Variants in SLC7A14 observed in about 807,000 individuals in gnomAD.
The protein encoded by SLC7A14 is solute carrier family 7 member 14.
In SLC7A14, 37 loss-of-function variants were observed where a neutral mutation model predicts 60.2. The ratio of observed to expected loss-of-function variants is 0.61; its 90% confidence interval spans 0.47 to 0.81. SLC7A14 has a LOEUF of 0.81. SLC7A14 is among the 30% of genes least tolerant of loss of function. SLC7A14 has a pLI of 0.00. For synonymous variants in SLC7A14, 399 were observed against 395.8 expected (o/e 1.01, Z -0.10); for missense variants, 886 against 982.7 (o/e 0.90, Z 1.32).
At position 170,513,630 on chromosome 3, in the gene SLC7A14, T is replaced by G. The variant is rs142601458; in HGVS notation, c.305-12285A>C. ...AAGAATAGTATATAAAATGTCTATG[T>G]TGCATGTTAGCAAATAATTGCTTTT... On this transcript the variant is annotated intron_variant, in intron 2 of 7. Transcript: ENST00000231706. 5.9e-3 allele frequency among the ~76,000 whole-genome samples: 898 copies of G among 152,376 alleles called. 5 individuals carry two copies. The highest frequency in any genetic ancestry group is 0.014 in the Middle Eastern group (4 of 294).
intron 2 of SLC7A14, among the ~76,000 whole-genome samples, chr3:170,519,627 T>G (rs1713282363): frequency 6.6e-6 from 1 of 152,034 alleles, no homozygotes; most frequent in African/African-American, 2.4e-5. Context: ...AATACAAAAA[T>G]TAGCCAGGCA....
rs1230712580 is a variant in SLC7A14, at chr3:170,480,967, C to T, written c.1315G>A (p.Gly439Ser). The change falls in exon 7 of 8, where the codon GGT (glycine) becomes AGT (serine). Residue 439 changes from glycine (G) to serine (S), a missense_variant. Gly to Ser is a moderately conservative substitution (Grantham distance 56). Coordinates refer to ENST00000231706, the MANE Select transcript of SLC7A14 (RefSeq NM_020949.3). Reference sequence around the variant, plus strand: ...TCCTCAGACAAGAACTTGACAAAACCATCAATGTCACTCTCAGGTTGGTAT... The same window carrying T: ...TCCTCAGACAAGAACTTGACAAAACTATCAATGTCACTCTCAGGTTGGTAT... Reference protein sequence around the residue: ...LRYQPESDIDGFVKFLSEEHT... With the variant: ...LRYQPESDIDSFVKFLSEEHT... 1 of 1,614,036 alleles carries T rather than the reference C, an allele frequency of 6.2e-7. No individual in the cohort carries two copies. Among genetic ancestry groups the T allele is most frequent in the Non-Finnish European group, 8.5e-7 (1 of 1,180,022 alleles).
intron 1 of SLC7A14, among the ~76,000 whole-genome samples, chr3:170,555,488 G>A (rs896127403): frequency 6.6e-6 from 1 of 152,106 alleles, no homozygotes; most frequent in Non-Finnish European, 1.5e-5. Context: ...ATCCAGTCAT[G>A]CATTACATAA....
At chr3:170,497,051 T>C (rs1318523621) in intron 4 of SLC7A14, among the ~76,000 whole-genome samples, 1 of 115,154 alleles carries the variant, frequency 8.7e-6, no homozygotes, top group African/African-American at 3.6e-5. Flanking sequence ...CCCCCTTGCC[T>C]CCAGCTACAA....
rs1739681370 is a variant in SLC7A14 at position 170,464,798 on chromosome 3, T to C, written c.*2257A>G. On this transcript the variant is annotated 3_prime_UTR_variant, in exon 8 of 8. Transcript: ENST00000231706. ...CTATTGTTACTTTAATACTTAAACC[T>C]CACTAGTAAAAGGAAGCTCTTTCAC... The C allele has an allele frequency of 6.6e-6, 1 of 152,218 alleles. No homozygotes were observed. The highest frequency in any genetic ancestry group is 1.5e-5 in the Non-Finnish European group (1 of 68,042). The allele number at this position is 152,218 out of a possible 1,614,324, so 9.4% of individuals were successfully genotyped here. A position where few individuals can be genotyped will look rare whatever the true frequency, so the allele number is the denominator to read the frequency against.
At position 170,498,758 on chromosome 3, in the gene SLC7A14, G is replaced by A. The variant is rs1305007507; in HGVS notation, c.668C>T (p.Ala223Val). Reference protein sequence around the residue: ...FNNVLNVLNLAVWVFIMIAGL... With the variant: ...FNNVLNVLNLVVWVFIMIAGL... ...TGCGATCATGATGAACACCCATACT[G>A]CCAGGTTCAGCACATTGAGAACATT... The change falls in exon 4 of 8, where the codon GCA becomes GTA. Residue 223 changes from alanine to valine, a missense_variant. Ala to Val is a moderately conservative substitution (Grantham distance 64, BLOSUM62 0). Coordinates refer to ENST00000231706, the MANE Select transcript of SLC7A14 (RefSeq NM_020949.3). The A allele has an allele frequency of 6.2e-7, 1 of 1,614,028 alleles. No individual in the cohort carries two copies. Among genetic ancestry groups the A allele is most frequent in the Non-Finnish European group, 8.5e-7 (1 of 1,180,042 alleles).
At chr3:170,486,415 C>T (rs755345015) in intron 4 of SLC7A14, 47 bp from the exon 5 acceptor site, 1 of 1,613,462 alleles carries the variant, frequency 6.2e-7, no homozygotes, top group Non-Finnish European at 8.5e-7. Flanking sequence ...CGGGGTGGCA[C>T]CTGGGTCTTA....
In SLC7A14 at chr3:170,462,436, T is replaced by G. The variant is rs1739626894; in HGVS notation, c.*4619A>C. ...AAGGAGTTTGTGTTTTGTTTTTCAA[T>G]AATTACTAGATTTATATTCTGGCTG... is the stretch of plus-strand genomic sequence containing the variant. On this transcript the variant is annotated 3_prime_UTR_variant, in exon 8 of 8. Coordinates refer to ENST00000231706, the MANE Select transcript of SLC7A14 (RefSeq NM_020949.3). 6.6e-6 allele frequency: 1 copy of G among 152,230 alleles called. No homozygotes were observed. Among genetic ancestry groups the G allele is most frequent in the Non-Finnish European group, 1.5e-5 (1 of 68,034 alleles). The allele number at this position is 152,230 out of a possible 1,614,324, so 9.4% of individuals were successfully genotyped here.
chr3:170,492,861 C>A (rs1712264656), intron 4 of SLC7A14, among the ~76,000 whole-genome samples: 1 of 152,164 alleles, frequency 6.6e-6, no homozygotes, highest in Non-Finnish European at 1.5e-5. Context: ...CTCTAGGCAA[C>A]AAAATTCCAA....
At chr3:170,556,101 G>T (rs1169941049) in intron 1 of SLC7A14, among the ~76,000 whole-genome samples, 2 of 151,230 alleles carry the variant, frequency 1.3e-5, no homozygotes, top group Non-Finnish European at 2.9e-5. Flanking sequence ...ACTAAAATAT[G>T]GTTTACCTCC....
chr3:170,563,221 T>A (rs1008829183), intron 1 of SLC7A14, among the ~76,000 whole-genome samples: 5 of 152,020 alleles, frequency 3.3e-5, no homozygotes, highest in African/African-American at 7.2e-5. Context: ...CCTTCCATTT[T>A]AAAAAAAGTC....
chr3:170,558,242 C>A (rs1333297779), intron 1 of SLC7A14, among the ~76,000 whole-genome samples: 1 of 152,134 alleles, frequency 6.6e-6, no homozygotes, highest in East Asian at 1.9e-4. Flanking sequence ...GTGGTACACA[C>A]CTGTAATCCC....
Position 170,462,820 on chromosome 3 carries a change from A to G in SLC7A14, c.*4235T>C, listed in dbSNP as rs187046438. 6.6e-5 allele frequency: 10 copies of G among 152,240 alleles called. No homozygotes were observed. The highest frequency in any genetic ancestry group is 3.4e-3 in the Middle Eastern group (1 of 294). 9.4% of individuals were successfully genotyped at this position (152,240 alleles called of 1,614,324 possible). On this transcript the variant is annotated 3_prime_UTR_variant, in exon 8 of 8. Coordinates refer to ENST00000231706, the MANE Select transcript of SLC7A14 (RefSeq NM_020949.3). ...ATAGATATAAAAAGTTGTTAGGTTT[A>G]GTTGTTGAAACCTATTGTTGAAAAC... is the stretch of plus-strand genomic sequence containing the variant.
At chr3:170,575,671 G>A (rs969360945) in intron 1 of SLC7A14, among the ~76,000 whole-genome samples, 4 of 152,194 alleles carry the variant, frequency 2.6e-5, no homozygotes, top group African/African-American at 9.7e-5. Flanking sequence ...GAACTGAGAG[G>A]AGGGACTAGG....
chr3:170,482,878 G>C (rs1711878336), intron 6 of SLC7A14, among the ~76,000 whole-genome samples: 1 of 152,082 alleles, frequency 6.6e-6, no homozygotes, highest in Non-Finnish European at 1.5e-5. Flanking sequence ...GATCTGTTCA[G>C]AGGGTCTTAT....
chr3:170,507,660 G>T (rs1387990681), intron 2 of SLC7A14, among the ~76,000 whole-genome samples: 1 of 152,230 alleles, frequency 6.6e-6, no homozygotes, highest in East Asian at 1.9e-4. Context: ...GATTGAGGGG[G>T]TGGGACCTTT....
chr3:170,524,791 A>G (rs1266419949), intron 2 of SLC7A14, among the ~76,000 whole-genome samples: 2 of 152,238 alleles, frequency 1.3e-5, no homozygotes, highest in Non-Finnish European at 2.9e-5. Context: ...AAACTCCTCA[A>G]TTCTGAAGAA....
At chr3:170,567,101 G>A (rs1400203372) in intron 1 of SLC7A14, among the ~76,000 whole-genome samples, 1 of 149,928 alleles carries the variant, frequency 6.7e-6, no homozygotes, top group Non-Finnish European at 1.5e-5. Flanking sequence ...CTGGTGTGCT[G>A]CACCCATTAA....
rs528878059 is a variant in SLC7A14, at chr3:170,486,072, T to C, written c.906+150A>G. 3.9e-6 allele frequency: 4 copies of C among 1,019,348 alleles called. No individual in the cohort carries two copies. The East Asian group carries it at 1.1e-4, about 27-fold the overall frequency. 63.1% of individuals were successfully genotyped at this position (1,019,348 alleles called of 1,614,324 possible). Reference sequence around the variant, plus strand: ...CTTCTTCAGTTTGGAGTCCTAATTTTTTTCTTGTCATGGGGAGTGGGGAAT... The same window carrying C: ...CTTCTTCAGTTTGGAGTCCTAATTTCTTTCTTGTCATGGGGAGTGGGGAAT... On this transcript the variant is annotated intron_variant, in intron 5 of 7. Coordinates refer to ENST00000231706, the MANE Select transcript of SLC7A14 (RefSeq NM_020949.3).
Sources: gnomAD v4.1 joint callset for allele counts (sites outside exome capture counted in the v4.1 genomes callset) on GRCh38, gnomAD v4.1.1 for gene constraint, MANE v1.5 for transcripts, NCBI Gene and HGNC (gene_info 2026-07-23, HGNC 2026-07-21) for gene names.